The following ONECUT2 variants were observed in gnomAD, a reference collection of about 807,000 sequenced individuals.
The protein encoded by ONECUT2 is one cut homeobox 2.
A neutral mutation model predicts 27.9 loss-of-function variants in ONECUT2; 10 were observed. The observed-to-expected ratio is 0.36, with a 90% CI of 0.22 to 0.61. The LOEUF (loss-of-function observed/expected upper bound fraction) is 0.61. Ranked by LOEUF, ONECUT2 falls within the 20% of genes least tolerant of loss-of-function variation. The pLI is 0.73. For missense variants in ONECUT2, 686 were observed against 721.0 expected (o/e 0.95, Z 0.56); for synonymous variants, 334 against 315.1 (o/e 1.06, Z -0.64).
chr18:57,484,371 C>T lies in ONECUT2; in HGVS notation c.*7648C>T, dbSNP rs1000238353. On this transcript the variant is annotated 3_prime_UTR_variant, in exon 2 of 2. Transcript: ENST00000491143. ...TGCTTGTGCTCTTTTATAATTTGAACGATTTTCTCTGACATATGGTATGTA... is the reference window on the plus strand; with the variant it reads ...TGCTTGTGCTCTTTTATAATTTGAATGATTTTCTCTGACATATGGTATGTA... 1.9e-4 allele frequency: 29 copies of T among 152,492 alleles called. No individual in the cohort carries two copies. Among genetic ancestry groups the T allele is most frequent in the African/African-American group, 6.0e-4 (25 of 41,396 alleles). The allele number at this position is 152,492 out of a possible 1,614,324, so 9.4% of individuals were successfully genotyped here.
Position 57,484,705 on chromosome 18 carries a change from T to TA in ONECUT2, c.*7983dup, listed in dbSNP as rs1227571131. 6.6e-6 allele frequency: 1 copy of TA among 152,214 alleles called. No individual in the cohort carries two copies. Among genetic ancestry groups the TA allele is most frequent in the Non-Finnish European group, 1.5e-5 (1 of 68,088 alleles). The allele number at this position is 152,214 out of a possible 1,614,324, so 9.4% of individuals were successfully genotyped here. ...TGAGTAGTTGAGCTGGAAGAGACCT[T>TA]AGGAATCATTTAGTCCAAGCCCCGG... On this transcript the variant is annotated 3_prime_UTR_variant, in exon 2 of 2. Coordinates refer to ENST00000491143, the MANE Select transcript of ONECUT2 (RefSeq NM_004852.3).
At chr18:57,467,040 G>A in intron 1 of ONECUT2, 1 of 386,562 alleles carries the variant, frequency 2.6e-6, no homozygotes, top group Admixed American at 2.9e-5. Context: ...CCTTTTTCAG[G>A]CCATGCCTCC....
In ONECUT2 at chr18:57,484,798, C is replaced by T. The variant is rs2050430931; in HGVS notation, c.*8075C>T. On this transcript the variant is annotated 3_prime_UTR_variant, in exon 2 of 2. Coordinates refer to ENST00000491143, the MANE Select transcript of ONECUT2 (RefSeq NM_004852.3). ...TGAGAGTGAAAGCCCACACATGCCT[C>T]CTGGTTCCTGCCCCAGTGCTCCGCT... 3 of 152,326 alleles carry T rather than the reference C, an allele frequency of 2.0e-5. No homozygotes were observed. The highest frequency in any genetic ancestry group is 7.2e-5 in the African/African-American group (3 of 41,458). The allele number at this position is 152,326 out of a possible 1,614,324, so 9.4% of individuals were successfully genotyped here.
chr18:57,454,763 C>T (rs750006974), intron 1 of ONECUT2, among the ~76,000 whole-genome samples: 4 of 152,228 alleles, frequency 2.6e-5, no homozygotes, highest in East Asian at 1.9e-4. Context: ...ACCATGCAGC[C>T]GGACTATTTA....
intron 1 of ONECUT2, among the ~76,000 whole-genome samples, chr18:57,463,117 G>A (rs1379915608): frequency 6.6e-6 from 1 of 152,146 alleles, no homozygotes; most frequent in Non-Finnish European, 1.5e-5. Context: ...TTTTGTGTAT[G>A]ACATGAGGTA....
At position 57,484,463 on chromosome 18, in the gene ONECUT2, G is replaced by C. The variant is rs1472031183; in HGVS notation, c.*7740G>C. Reference sequence around the variant, plus strand: ...GACGGCGGCTGCTAATTTGGAAAGGGATATTTTCTGTGTTTCTCTTATATG... The same window carrying C: ...GACGGCGGCTGCTAATTTGGAAAGGCATATTTTCTGTGTTTCTCTTATATG... On this transcript the variant is annotated 3_prime_UTR_variant, in exon 2 of 2. Coordinates refer to ENST00000491143, the MANE Select transcript of ONECUT2 (RefSeq NM_004852.3). 1 of 152,616 alleles carries C rather than the reference G, an allele frequency of 6.6e-6. No homozygotes were observed. Among genetic ancestry groups the C allele is most frequent in the Admixed American group, 6.5e-5 (1 of 15,270 alleles). 9.5% of individuals were successfully genotyped at this position (152,616 alleles called of 1,614,324 possible). A position where few individuals can be genotyped will look rare whatever the true frequency, so the allele number is the denominator to read the frequency against.
intron 1 of ONECUT2, among the ~76,000 whole-genome samples, chr18:57,448,074 G>A (rs1181300360): frequency 6.6e-6 from 1 of 152,144 alleles, no homozygotes; most frequent in Non-Finnish European, 1.5e-5. Flanking sequence ...TTTATTTCTG[G>A]TTTTATTCCA....
Position 57,436,418 on chromosome 18 carries a change from C to G in ONECUT2, c.702C>G (p.Asn234Lys), listed in dbSNP as rs756746181. The G allele has an allele frequency of 3.7e-6, 6 of 1,611,536 alleles. No homozygotes were observed. Among genetic ancestry groups the G allele is most frequent in the Non-Finnish European group, 5.1e-6 (6 of 1,179,854 alleles). The part of the protein sequence containing the change: ...LSPLAATPLG[N>K]GLGGLHNAQQ... The stretch of plus-strand genomic sequence containing the variant: ...CGCTGGCCGCCACGCCGCTGGGCAA[C>G]GGGCTAGGCGGCCTCCACAACGCGC... The change falls in exon 1 of 2, where the codon AAC (asparagine) becomes AAG (lysine). Residue 234 changes from asparagine to lysine, a missense_variant. Coordinates refer to ENST00000491143, the MANE Select transcript of ONECUT2 (RefSeq NM_004852.3). This position sits in a 1 kb window ranked among gnomAD's most constrained non-coding sequence, Gnocchi z 5.9.
chr18:57,436,978 G>A lies in ONECUT2; in HGVS notation c.1228+34G>A. ...GGGGCTAGCCAGGGGCCAGGCTGCT[G>A]GGAAGAGGGCTCCGGGTCCGGTGCT... On this transcript the variant is annotated intron_variant, in intron 1 of 1. Coordinates refer to ENST00000491143, the MANE Select transcript of ONECUT2 (RefSeq NM_004852.3). The surrounding 1 kb of genome is among the most constrained non-coding windows in gnomAD (Gnocchi z 5.9). 6.5e-7 allele frequency: 1 copy of A among 1,538,256 alleles called. No individual in the cohort carries two copies. Among genetic ancestry groups the A allele is most frequent in the Non-Finnish European group, 8.8e-7 (1 of 1,141,644 alleles).
chr18:57,458,755 T>G (rs1182158902), intron 1 of ONECUT2, among the ~76,000 whole-genome samples: 1 of 151,382 alleles, frequency 6.6e-6, no homozygotes, highest in Non-Finnish European at 1.5e-5. Flanking sequence ...AGAAGCAAAA[T>G]GAGAGGTCAT....
chr18:57,447,270 G>T (rs1375308467), intron 1 of ONECUT2, among the ~76,000 whole-genome samples: 1 of 151,958 alleles, frequency 6.6e-6, no homozygotes, highest in Non-Finnish European at 1.5e-5. Flanking sequence ...TCCACGCCCC[G>T]GCGCAGGCTT....
chr18:57,463,586 ACT>A (rs1465490385), intron 1 of ONECUT2, among the ~76,000 whole-genome samples: 8 of 151,256 alleles, frequency 5.3e-5, no homozygotes, highest in African/African-American at 1.9e-4. Flanking sequence ...AAGAATTAAA[ACT>A]CTTCACAATA....
rs777199013 is a variant in ONECUT2, at chr18:57,436,240, A to C, written c.524A>C (p.His175Pro). 4.4e-6 allele frequency: 7 copies of C among 1,603,040 alleles called. No homozygotes were observed. In the Admixed American group the frequency reaches 8.5e-5, roughly 19 times the overall value. Residue 175 changes from histidine to proline, a missense_variant, in exon 1 of 2, where the codon CAT (histidine) becomes CCT (proline). Around this residue, in one of 4 missense-constraint regions of ONECUT2, gnomAD observed 511 missense variants for 488.1 expected, o/e 1.05. Coordinates refer to ENST00000491143, the MANE Select transcript of ONECUT2 (RefSeq NM_004852.3). This position sits in a 1 kb window ranked among gnomAD's most constrained non-coding sequence, Gnocchi z 5.9. ...DKFHHPHPHH[H>P]PHHHHHHHHQ... is the part of the protein sequence containing the mutation. ...TTCCACCACCCTCACCCGCACCACC[A>C]TCCGCACCACCACCACCACCACCAC...
chr18:57,445,976 G>A (rs1181797300), intron 1 of ONECUT2, among the ~76,000 whole-genome samples: 1 of 152,236 alleles, frequency 6.6e-6, no homozygotes, highest in African/African-American at 2.4e-5. Flanking sequence ...TGCTCCATTA[G>A]AACAGGGCAA....
At chr18:57,451,690 G>T (rs1447367117) in intron 1 of ONECUT2, among the ~76,000 whole-genome samples, 1 of 152,214 alleles carries the variant, frequency 6.6e-6, no homozygotes, top group Non-Finnish European at 1.5e-5. Flanking sequence ...GGCAGGATGT[G>T]GAGTAAATAG....
At position 57,477,743 on chromosome 18, in the gene ONECUT2, G is replaced by A. The variant is rs1175759792; in HGVS notation, c.*1020G>A. ...TTTTTAGGTCATTAATGTGTCCTTGGTTGATCAGTCATCTGGTCCCTCCTA... is the reference window on the plus strand; with the variant it reads ...TTTTTAGGTCATTAATGTGTCCTTGATTGATCAGTCATCTGGTCCCTCCTA... On this transcript the variant is annotated 3_prime_UTR_variant, in exon 2 of 2. Coordinates refer to ENST00000491143, the MANE Select transcript of ONECUT2 (RefSeq NM_004852.3). 3.3e-5 allele frequency: 5 copies of A among 152,412 alleles called. No homozygotes were observed. The highest frequency in any genetic ancestry group is 2.9e-5 in the Non-Finnish European group (2 of 68,020). 9.4% of individuals were successfully genotyped at this position (152,412 alleles called of 1,614,324 possible).
chr18:57,436,832 C>T lies in ONECUT2; in HGVS notation c.1116C>T (p.Leu372=). ...CTCAGGGGACTCTCTCCGACCTGCT[C>T]CGGAATCCAAAACCGTGGAGTAAAC... The part of the protein sequence containing the change: ...CRSQGTLSDL[L]RNPKPWSKLK... Residue 372 remains leucine (L), a synonymous_variant, in exon 1 of 2, where the codon CTC becomes CTT. Transcript: ENST00000491143. The surrounding 1 kb of genome is among the most constrained non-coding windows in gnomAD (Gnocchi z 5.9). The T allele has an allele frequency of 6.2e-7, 1 of 1,613,990 alleles. No homozygotes were observed. Among genetic ancestry groups the T allele is most frequent in the Non-Finnish European group, 8.5e-7 (1 of 1,180,040 alleles).
At chr18:57,473,794 G>C (rs2050367212) in intron 1 of ONECUT2, among the ~76,000 whole-genome samples, 1 of 152,322 alleles carries the variant, frequency 6.6e-6, no homozygotes, top group Non-Finnish European at 1.5e-5. Context: ...GATTGAGCAA[G>C]AGAGAGTAGA....
rs1444087943 is a variant in ONECUT2, at chr18:57,478,856, A to G, written c.*2133A>G. 3 of 152,398 alleles carry G rather than the reference A, an allele frequency of 2.0e-5. No individual in the cohort carries two copies. The highest frequency in any genetic ancestry group is 4.4e-5 in the Non-Finnish European group (3 of 68,030). The allele number at this position is 152,398 out of a possible 1,614,324, so 9.4% of individuals were successfully genotyped here. On this transcript the variant is annotated 3_prime_UTR_variant, in exon 2 of 2. Coordinates refer to ENST00000491143, the MANE Select transcript of ONECUT2 (RefSeq NM_004852.3). ...CCATTGAACTGTATAAAGGTAATCA[A>G]TTATGTTTCTCTGAGCAACAAAAGG...
Sources: allele counts gnomAD v4.1 joint callset (sites outside exome capture counted in the v4.1 genomes callset), GRCh38; gene constraint gnomAD v4.1.1; regional missense constraint gnomAD v4.1.1; non-coding constraint Gnocchi (gnomAD v3.1); transcripts MANE v1.5; gene names NCBI Gene and HGNC (gene_info 2026-07-23, HGNC 2026-07-21).